The following TNKS variants were observed in gnomAD, a reference collection of about 807,000 sequenced individuals.
The protein encoded by TNKS is tankyrase, also known as poly [ADP-ribose] polymerase tankyrase-1.
TNKS carries 72 observed loss-of-function variants against 135.8 expected under a neutral mutation model. The ratio of observed to expected loss-of-function variants is 0.53; its 90% confidence interval spans 0.44 to 0.64. The LOEUF is 0.64. Ranked by LOEUF, TNKS falls within the 30% of genes least tolerant of loss-of-function variation. The pLI is 0.00. For missense variants in TNKS, 1,769 were observed against 1,674.0 expected, an observed-to-expected ratio of 1.06 and a Z score of -0.99; for synonymous variants, 849 against 649.3, an observed-to-expected ratio of 1.31 and a Z score of -4.68.
chr8:9,728,854 C>A (rs1389846533), intron 13 of TNKS, among the ~76,000 whole-genome samples: 1 of 152,112 alleles, frequency 6.6e-6, no homozygotes, highest in African/African-American at 2.4e-5. Flanking sequence ...TCCTTCCTGT[C>A]ATGTGAAAAT....
chr8:9,750,321 A>C (rs1020405935), intron 18 of TNKS, among the ~76,000 whole-genome samples: 1 of 152,162 alleles, frequency 6.6e-6, no homozygotes, highest in Non-Finnish European at 1.5e-5. Context: ...TTGTTTTCTA[A>C]GCTAGCAAAT....
intron 24 of TNKS, 46 bp from the exon 25 acceptor site, chr8:9,766,193 C>T: frequency 6.5e-6 from 10 of 1,534,074 alleles, no homozygotes; most frequent in Non-Finnish European, 8.9e-6. Context: ...AATTGAGCTT[C>T]TAGAAAAGTG....
chr8:9,731,362 A>AGG (rs1006094000), intron 14 of TNKS, among the ~76,000 whole-genome samples: 5 of 146,380 alleles, frequency 3.4e-5, no homozygotes, highest in Non-Finnish European at 7.5e-5. Context: ...TGGGAGGCTG[A>AGG]GGCAGGAGAA....
At chr8:9,693,407 A>G (rs1435441505) in intron 5 of TNKS, among the ~76,000 whole-genome samples, 1 of 152,230 alleles carries the variant, frequency 6.6e-6, no homozygotes. Context: ...TGAAATGATC[A>G]TTGTGCAACT....
At chr8:9,620,010 C>T (rs1375636309) in intron 3 of TNKS, among the ~76,000 whole-genome samples, 2 of 151,100 alleles carry the variant, frequency 1.3e-5, no homozygotes, top group African/African-American at 2.4e-5. Flanking sequence ...AGTGCAGTGG[C>T]GCTATCTTGG....
At chr8:9,751,556 AC>A in intron 18 of TNKS, 52 bp from the exon 19 acceptor site, 1 of 1,519,538 alleles carries the variant, frequency 6.6e-7, no homozygotes, top group South Asian at 1.2e-5. Context: ...TGAAAAACTT[AC>A]CATTTTAATA....
At chr8:9,567,046 T>C (rs1797572277) in intron 1 of TNKS, among the ~76,000 whole-genome samples, 1 of 152,238 alleles carries the variant, frequency 6.6e-6, no homozygotes, top group Admixed American at 6.5e-5. Context: ...CAATGAGAAA[T>C]AAAATCTGTA....
chr8:9,646,407 C>T (rs1009128335), intron 3 of TNKS, among the ~76,000 whole-genome samples: 1 of 152,010 alleles, frequency 6.6e-6, no homozygotes, highest in African/African-American at 2.4e-5. Context: ...CATTTTCTAG[C>T]TTGTATTATT....
At chr8:9,598,765 GTATATATATATA>G (rs71201956) in intron 2 of TNKS, among the ~76,000 whole-genome samples, 6,768 of 48,532 alleles carry the variant, frequency 0.14, 577 homozygotes, top group Non-Finnish European at 0.19. Flanking sequence ...ATGTGTGTGT[GTATATATATATA>G]TATATATATA....
intron 2 of TNKS, among the ~76,000 whole-genome samples, chr8:9,591,955 A>G (rs927990827): frequency 6.6e-6 from 1 of 152,220 alleles, no homozygotes; most frequent in African/African-American, 2.4e-5. Flanking sequence ...AATGCTTTCT[A>G]ACAACTTGCT....
At chr8:9,597,986 T>G (rs1421078764) in intron 2 of TNKS, among the ~76,000 whole-genome samples, 1 of 152,206 alleles carries the variant, frequency 6.6e-6, no homozygotes, top group Non-Finnish European at 1.5e-5. Context: ...GCTAAATAAC[T>G]TTCCTAAGGA....
chr8:9,668,144 G>C (rs79573542), intron 3 of TNKS, among the ~76,000 whole-genome samples: 12 of 152,076 alleles, frequency 7.9e-5, no homozygotes, highest in African/African-American at 2.4e-4. Flanking sequence ...AAAATCATTC[G>C]GAATCATTTC....
intron 17 of TNKS, among the ~76,000 whole-genome samples, chr8:9,746,328 C>T (rs1322192855): frequency 1.3e-5 from 2 of 152,026 alleles, no homozygotes; most frequent in Non-Finnish European, 2.9e-5. Flanking sequence ...TCAGTAGTGC[C>T]TATTGTGTGA....
rs1218940304 is a variant in TNKS at position 9,634,984 on chromosome 8, T to G, written c.994+19307T>G. ...CGAGGTCAGGAGATCGAGACCACGG[T>G]GAAACCCCGTCTCTACTAAAAATAC... On this transcript the variant is annotated intron_variant, in intron 3 of 26. Coordinates refer to ENST00000310430, the MANE Select transcript of TNKS (RefSeq NM_003747.3). 3.3e-5 allele frequency among the ~76,000 whole-genome samples: 5 copies of G among 150,910 alleles called. No homozygotes were observed. In the East Asian group the frequency reaches 9.8e-4, roughly 30 times the overall value.
intron 3 of TNKS, among the ~76,000 whole-genome samples, chr8:9,661,018 A>G (rs1801681720): frequency 6.6e-6 from 1 of 150,754 alleles, no homozygotes; most frequent in South Asian, 2.1e-4. Flanking sequence ...TAGGAATCCA[A>G]CTTACAAGGG....
intron 13 of TNKS, among the ~76,000 whole-genome samples, chr8:9,729,376 CG>C (rs1805312094): frequency 6.6e-6 from 1 of 152,160 alleles, no homozygotes; most frequent in South Asian, 2.1e-4. Context: ...ATTACTGTGA[CG>C]GAAGTGGCAG....
At chr8:9,669,784 G>C (rs1802185165) in intron 3 of TNKS, among the ~76,000 whole-genome samples, 1 of 151,152 alleles carries the variant, frequency 6.6e-6, no homozygotes, top group East Asian at 2.0e-4. Flanking sequence ...AAATTTAACA[G>C]TCTTTACTTC....
At chr8:9,731,163 T>C in intron 14 of TNKS, 128 bp downstream of exon 14, 1 of 1,212,046 alleles carries the variant, frequency 8.3e-7, no homozygotes, top group South Asian at 1.9e-5. Flanking sequence ...AAACATAAAT[T>C]AAAACATAGA....
intron 14 of TNKS, among the ~76,000 whole-genome samples, chr8:9,731,282 G>A (rs901277985): frequency 1.3e-5 from 2 of 151,946 alleles, no homozygotes; most frequent in African/African-American, 2.4e-5. Context: ...CAACATGGGT[G>A]AAACTCTGTC....
Sources: allele counts gnomAD v4.1 joint callset (sites outside exome capture counted in the v4.1 genomes callset), GRCh38; gene constraint gnomAD v4.1.1; transcripts MANE v1.5; gene names NCBI Gene and HGNC (gene_info 2026-07-23, HGNC 2026-07-21).